The following ZNF527 variants were observed in gnomAD, a reference collection of about 807,000 sequenced individuals.
ZNF527 encodes zinc finger protein 527.
In ZNF527, 5 loss-of-function variants were observed where a neutral mutation model predicts 13.5. That is an observed-to-expected ratio of 0.37 (90% confidence interval 0.19 to 0.78). ZNF527 has a LOEUF of 0.78. Among genes scored for constraint, ZNF527 ranks in the 30% least tolerant of loss-of-function variants. The probability of loss-of-function intolerance (pLI) is 0.48; values close to 1 mark genes in which losing one functional copy is unlikely to be tolerated. For synonymous variants in ZNF527, 209 were observed against 243.1 expected (o/e 0.86, Z 1.30); for missense variants, 628 against 726.4 (o/e 0.86, Z 1.56).
At chr19:37,386,045 T>C (rs2146820000) in intron 4 of ZNF527, among the ~76,000 whole-genome samples, 1 of 152,210 alleles carries the variant, frequency 6.6e-6, no homozygotes, top group Non-Finnish European at 1.5e-5. Flanking sequence ...TCCCCTGTTT[T>C]TCTGTTGTTT....
At chr19:37,385,655 G>A (rs930960042) in intron 4 of ZNF527, 1 of 278,792 alleles carries the variant, frequency 3.6e-6, no homozygotes, top group Non-Finnish European at 6.6e-6. Flanking sequence ...CTGATCTGAT[G>A]TAAATTAACC....
chr19:37,380,892 A>G (rs1395684175), intron 4 of ZNF527, among the ~76,000 whole-genome samples: 3 of 152,026 alleles, frequency 2.0e-5, no homozygotes, highest in African/African-American at 7.2e-5. Context: ...TGTTCCCTTC[A>G]TGTCTCCAAA....
chr19:37,388,852 A>G lies in ZNF527; in HGVS notation c.803A>G (p.His268Arg). The G allele has an allele frequency of 6.2e-7, 1 of 1,614,176 alleles. No individual in the cohort carries two copies. Among genetic ancestry groups the G allele is most frequent in the East Asian group, 2.2e-5 (1 of 44,878 alleles). ...HSLFTQHQTT[H>R]FGKLPHGYDE... ...TTATTTACTCAACATCAGACCACTC[A>G]TTTTGGAAAATTACCCCATGGATAC... Residue 268 changes from histidine (H) to arginine (R), a missense_variant, in exon 5 of 5, where the codon CAT becomes CGT. Transcript: ENST00000436120.
intron 2 of ZNF527, among the ~76,000 whole-genome samples, chr19:37,377,849 C>T (rs145640767): frequency 9.9e-4 from 151 of 152,076 alleles, no homozygotes; most frequent in African/African-American, 3.5e-3. Flanking sequence ...TGTGGCTGAA[C>T]CCAACAGAAT....
intron 4 of ZNF527, among the ~76,000 whole-genome samples, chr19:37,380,972 A>G (rs946483806): frequency 6.6e-6 from 1 of 152,106 alleles, no homozygotes; most frequent in South Asian, 2.1e-4. Context: ...CTTATAAGAA[A>G]ATAAGGAGTT....
intron 4 of ZNF527, chr19:37,384,952 C>A: frequency 1.4e-6 from 1 of 702,108 alleles, no homozygotes; most frequent in South Asian, 1.5e-5. Flanking sequence ...AAGCAATCTT[C>A]TCACCTCAGC....
At chr19:37,375,679 A>G (rs1386505212) in intron 2 of ZNF527, among the ~76,000 whole-genome samples, 1 of 151,998 alleles carries the variant, frequency 6.6e-6, no homozygotes, top group Non-Finnish European at 1.5e-5. Flanking sequence ...TATTTAAAAC[A>G]TGAGACAGGA....
chr19:37,379,357 T>C, intron 3 of ZNF527, 111 bp downstream of exon 3: 1 of 1,041,868 alleles, frequency 9.6e-7, no homozygotes, highest in Non-Finnish European at 1.3e-6. Context: ...CTTACTTGCC[T>C]TTCTACTTCC....
In ZNF527 at chr19:37,379,142, T is replaced by C. The variant is rs369828726; in HGVS notation, c.56T>C (p.Val19Ala). 2.5e-6 allele frequency: 4 copies of C among 1,614,110 alleles called. No individual in the cohort carries two copies. Among genetic ancestry groups the C allele is most frequent in the Non-Finnish European group, 3.4e-6 (4 of 1,180,004 alleles). The part of the protein sequence containing the change: ...MSQGLVTFRD[V>A]ALDFSQEEWE... Reference sequence around the variant, plus strand: ...CAGGGGTTGGTGACCTTCAGAGATGTGGCGCTAGACTTTTCCCAAGAAGAG... The same window carrying C: ...CAGGGGTTGGTGACCTTCAGAGATGCGGCGCTAGACTTTTCCCAAGAAGAG... Residue 19 changes from valine (V) to alanine (A), a missense_variant, in exon 3 of 5, where the codon GTG becomes GCG. Around this residue, in one of 3 missense-constraint regions of ZNF527, gnomAD observed 33 missense variants for 31.2 expected, o/e 1.06. Transcript: ENST00000436120.
At chr19:37,386,739 C>T (rs1049257570) in intron 4 of ZNF527, among the ~76,000 whole-genome samples, 1 of 152,158 alleles carries the variant, frequency 6.6e-6, no homozygotes, top group Non-Finnish European at 1.5e-5. Flanking sequence ...TAACTGTAGT[C>T]TTCTCCCATC....
intron 2 of ZNF527, among the ~76,000 whole-genome samples, chr19:37,375,256 T>TTC: frequency 9.0e-6 from 1 of 110,838 alleles, no homozygotes; most frequent in African/African-American, 4.0e-5. Flanking sequence ...CTTTCTTTCT[T>TTC]TCTTTCTTTC....
intron 2 of ZNF527, among the ~76,000 whole-genome samples, chr19:37,375,560 G>A (rs962661758): frequency 8.6e-5 from 13 of 151,450 alleles, no homozygotes; most frequent in South Asian, 8.3e-4. Flanking sequence ...TGGATTTCAC[G>A]ATGTTGGCCA....
chr19:37,386,730 A>C (rs2040703146), intron 4 of ZNF527, among the ~76,000 whole-genome samples: 2 of 152,204 alleles, frequency 1.3e-5, no homozygotes, highest in Non-Finnish European at 2.9e-5. Context: ...GTTGGAAAAT[A>C]ACTGTAGTCT....
rs2040744229 is a variant in ZNF527, at chr19:37,390,570, T to C, written c.*691T>C. The C allele has an allele frequency of 6.6e-6, 1 of 152,158 alleles. No individual in the cohort carries two copies. Among genetic ancestry groups the C allele is most frequent in the Non-Finnish European group, 1.5e-5 (1 of 68,028 alleles). The allele number at this position is 152,158 out of a possible 1,614,324, so 9.4% of individuals were successfully genotyped here. On this transcript the variant is annotated 3_prime_UTR_variant, in exon 5 of 5. Coordinates refer to ENST00000436120, the MANE Select transcript of ZNF527 (RefSeq NM_032453.2). ...GGAACTGCAAGTTTCAAGGATTTAA[T>C]AAGATTAAAAACTCACCAGTAGCCT... is the stretch of plus-strand genomic sequence containing the variant.
In ZNF527 at chr19:37,388,371, T is replaced by C. The variant is rs71354940; in HGVS notation, c.322T>C (p.Ser108Pro). Residue 108 changes from serine to proline, a missense_variant, in exon 5 of 5, where the codon TCC becomes CCC. This residue lies in a region of ZNF527 where 592 missense variants were observed against 678.0 expected (regional missense o/e 0.87). Coordinates refer to ENST00000436120, the MANE Select transcript of ZNF527 (RefSeq NM_032453.2). ...PKWFIDEDEI[S>P]QEMVMERLAS... ...ATGGTTCATTGATGAAGATGAAATA[T>C]CCCAGGAGATGGTAATGGAAAGGCT... The C allele has an allele frequency of 1.4e-4, 224 of 1,613,984 alleles. No individual in the cohort carries two copies. Among genetic ancestry groups the C allele is most frequent in the Non-Finnish European group, 1.8e-4 (218 of 1,179,998 alleles).
At chr19:37,376,694 A>G (rs2040611279) in intron 2 of ZNF527, among the ~76,000 whole-genome samples, 1 of 151,028 alleles carries the variant, frequency 6.6e-6, no homozygotes, top group Admixed American at 6.6e-5. Context: ...AAAAAAAAAA[A>G]AAAAAAAAAA....
chr19:37,382,000 A>T (rs895650003), intron 4 of ZNF527, among the ~76,000 whole-genome samples: 1 of 152,136 alleles, frequency 6.6e-6, no homozygotes, highest in African/African-American at 2.4e-5. Context: ...ATGTTTCTCA[A>T]ATCGTTCCAG....
chr19:37,374,106 A>G, intron 1 of ZNF527, 52 bp from the exon 2 acceptor site: 12 of 1,323,528 alleles, frequency 9.1e-6, no homozygotes, highest in Non-Finnish European at 1.2e-5. Flanking sequence ...GTCTTGGACC[A>G]AAAACACAGG....
At chr19:37,375,174 C>T (rs1228362206) in intron 2 of ZNF527, among the ~76,000 whole-genome samples, 1 of 151,872 alleles carries the variant, frequency 6.6e-6, no homozygotes, top group Non-Finnish European at 1.5e-5. Context: ...TTTGGATATC[C>T]AAATGGAATG....
Sources: gnomAD v4.1 joint callset for allele counts (sites outside exome capture counted in the v4.1 genomes callset) on GRCh38, gnomAD v4.1.1 for gene constraint, gnomAD v4.1.1 regional missense constraint, MANE v1.5 for transcripts, NCBI Gene and HGNC (gene_info 2026-07-23, HGNC 2026-07-21) for gene names.